Variants in HMG20A observed in about 807,000 individuals in gnomAD.
The protein encoded by HMG20A is high mobility group protein 20A.
A neutral mutation model predicts 43.9 loss-of-function variants in HMG20A; 17 were observed. That is an observed-to-expected ratio of 0.39 (90% CI 0.27 to 0.58). HMG20A has a LOEUF of 0.58. HMG20A is among the 20% of genes least tolerant of loss of function. The pLI is 0.59. For synonymous variants in HMG20A, 132 were observed against 147.5 expected (o/e 0.89, Z 0.76); for missense variants, 341 against 438.2 (o/e 0.78, Z 1.98).
chr15:77,503,759 C>T, the HMG20A span, among the ~76,000 whole-genome samples: 3 of 152,356 alleles, frequency 2.0e-5, no homozygotes, highest in South Asian at 6.2e-4. Flanking sequence ...TTTAAATCAC[C>T]AGAGGATCTC....
At chr15:77,454,920 G>T (rs2072640194) in intron 1 of HMG20A, among the ~76,000 whole-genome samples, 1 of 152,040 alleles carries the variant, frequency 6.6e-6, no homozygotes, top group South Asian at 2.1e-4. Context: ...CAAGGGTTTT[G>T]CATAAAGGCT....
At chr15:77,505,225 G>A in the HMG20A span, among the ~76,000 whole-genome samples, 2 of 152,210 alleles carry the variant, frequency 1.3e-5, no homozygotes, top group East Asian at 3.9e-4. Context: ...TGCATGAGTT[G>A]GGACGTCCAC....
intron 2 of HMG20A, among the ~76,000 whole-genome samples, chr15:77,461,966 A>G (rs1385859625): frequency 6.6e-6 from 1 of 152,182 alleles, no homozygotes; most frequent in African/African-American, 2.4e-5. Context: ...TTGATTTCAT[A>G]GCTTCTTTTA....
intron 9 of HMG20A, among the ~76,000 whole-genome samples, chr15:77,480,776 T>TC (rs2072900111): frequency 6.6e-6 from 1 of 151,226 alleles, no homozygotes; most frequent in African/African-American, 2.4e-5. Context: ...GTACTAATGG[T>TC]CATTTCTCAA....
intron 1 of HMG20A, among the ~76,000 whole-genome samples, chr15:77,427,504 C>T (rs1466652656): frequency 3.3e-5 from 5 of 152,114 alleles, no homozygotes; most frequent in Non-Finnish European, 7.4e-5. Flanking sequence ...CACGATTTTA[C>T]CAGCAAAAAT....
the HMG20A span, among the ~76,000 whole-genome samples, chr15:77,511,633 T>C: frequency 6.6e-6 from 1 of 152,102 alleles, no homozygotes; most frequent in African/African-American, 2.4e-5. Context: ...AAAGAAGATA[T>C]ACAAATGGCT....
chr15:77,437,426 A>G (rs2073561228), intron 1 of HMG20A, among the ~76,000 whole-genome samples: 5 of 152,190 alleles, frequency 3.3e-5, no homozygotes, highest in Admixed American at 2.6e-4. Context: ...GAGAGCATGA[A>G]GGAGTTGCTT....
rs2072931147 is a variant in HMG20A, at chr15:77,484,456, G to C, written c.*1493G>C. On this transcript the variant is annotated 3_prime_UTR_variant, in exon 10 of 10. Coordinates refer to ENST00000336216, the MANE Select transcript of HMG20A (RefSeq NM_001304504.2). ...CCACACCACTGCAGGCAGGTGGATA[G>C]AAGTGCGGCCCCTCTCATAGTATGC... 6.6e-6 allele frequency: 1 copy of C among 152,644 alleles called. No individual in the cohort carries two copies. The highest frequency in any genetic ancestry group is 1.5e-5 in the Non-Finnish European group (1 of 68,072). 9.5% of individuals were successfully genotyped at this position (152,644 alleles called of 1,614,324 possible). A position where few individuals can be genotyped will look rare whatever the true frequency, so the allele number is the denominator to read the frequency against.
intron 1 of HMG20A, among the ~76,000 whole-genome samples, chr15:77,440,780 G>T (rs1437214045): frequency 6.6e-6 from 1 of 152,118 alleles, no homozygotes; most frequent in South Asian, 2.1e-4. Flanking sequence ...CTTCTCTGAG[G>T]CAGTGAGGAA....
At chr15:77,424,550 T>C (rs1285500147) in intron 1 of HMG20A, among the ~76,000 whole-genome samples, 1 of 152,192 alleles carries the variant, frequency 6.6e-6, no homozygotes, top group Non-Finnish European at 1.5e-5. Flanking sequence ...ATTAATGCAA[T>C]TATCTTACCC....
intron 1 of HMG20A, among the ~76,000 whole-genome samples, chr15:77,422,398 A>G (rs1038716862): frequency 2.0e-5 from 3 of 152,180 alleles, no homozygotes; most frequent in African/African-American, 4.8e-5. Context: ...CGGGCAGATC[A>G]CGAGGTCAGG....
chr15:77,455,570 TC>T (rs1344312333), intron 1 of HMG20A, among the ~76,000 whole-genome samples: 2 of 152,008 alleles, frequency 1.3e-5, no homozygotes, highest in African/African-American at 4.8e-5. Flanking sequence ...ACTGGATAAG[TC>T]CCCTCTACTA....
chr15:77,442,558 G>A (rs933146530), intron 1 of HMG20A, among the ~76,000 whole-genome samples: 2 of 152,150 alleles, frequency 1.3e-5, no homozygotes, highest in Non-Finnish European at 2.9e-5. Flanking sequence ...AAAGCATGAG[G>A]TTTATAAATT....
chr15:77,458,552 T>C, intron 2 of HMG20A, 56 bp downstream of exon 2: 2 of 1,210,052 alleles, frequency 1.7e-6, no homozygotes, highest in Non-Finnish European at 2.4e-6. Flanking sequence ...ACAAAGCTTC[T>C]AGCAAAGTAA....
chr15:77,514,274 G>A, the HMG20A span, among the ~76,000 whole-genome samples: 1 of 152,152 alleles, frequency 6.6e-6, no homozygotes, highest in Non-Finnish European at 1.5e-5. Context: ...GAATTTCACA[G>A]ACATAATCTT....
rs1196511639 is a variant in HMG20A, at chr15:77,483,610, A to ACGGTGCTCAGTGGGTGC, written c.*649_*665dup. ...AGCAAGGCTGTGTTTCCTACCCCAC[A>ACGGTGCTCAGTGGGTGC]CGGTGCTCAGTGGGTGCCAGCCCTC... On this transcript the variant is annotated 3_prime_UTR_variant, in exon 10 of 10. Transcript: ENST00000336216. 6.6e-6 allele frequency: 1 copy of ACGGTGCTCAGTGGGTGC among 152,666 alleles called. No homozygotes were observed. The highest frequency in any genetic ancestry group is 1.5e-5 in the Non-Finnish European group (1 of 68,092). 9.5% of individuals were successfully genotyped at this position (152,666 alleles called of 1,614,324 possible). A position where few individuals can be genotyped will look rare whatever the true frequency, so the allele number is the denominator to read the frequency against.
At chr15:77,469,813 G>A (rs1225528570) in intron 4 of HMG20A, among the ~76,000 whole-genome samples, 2 of 152,046 alleles carry the variant, frequency 1.3e-5, no homozygotes, top group South Asian at 2.1e-4. Context: ...GACTACAGGC[G>A]TGCACCATCA....
At chr15:77,490,663 A>G in the HMG20A span, among the ~76,000 whole-genome samples, 1 of 152,246 alleles carries the variant, frequency 6.6e-6, no homozygotes, top group African/African-American at 2.4e-5. Flanking sequence ...TCTCTATAAG[A>G]AAAAGAAGAA....
At chr15:77,482,765 T>C (rs1463495768) in intron 9 of HMG20A, 10 of 152,206 alleles carry the variant, frequency 6.6e-5, no homozygotes, top group Non-Finnish European at 8.8e-5. Context: ...TGAAATGTTA[T>C]GTAAAACATC....
Sources: gnomAD v4.1 joint callset for allele counts (sites outside exome capture counted in the v4.1 genomes callset) on GRCh38, gnomAD v4.1.1 for gene constraint, MANE v1.5 for transcripts, NCBI Gene and HGNC (gene_info 2026-07-23, HGNC 2026-07-21) for gene names.